The following IPCEF1 variants were observed in gnomAD, a reference collection of about 807,000 sequenced individuals.
The protein encoded by IPCEF1 is interaction protein for cytohesin exchange factors 1, also known as interactor protein for cytohesin exchange factors 1.
Under a neutral mutation model 50.9 loss-of-function variants are expected in IPCEF1, and 31 were observed. That is an observed-to-expected ratio of 0.61 (90% confidence interval 0.46 to 0.82). The LOEUF (loss-of-function observed/expected upper bound fraction) is 0.82, where lower values mean the gene tolerates loss of function less well. Ranked by LOEUF, IPCEF1 falls within the 40% of genes least tolerant of loss-of-function variation. The pLI is 0.00. For synonymous variants in IPCEF1, 181 were observed against 192.0 expected, an observed-to-expected ratio of 0.94 and a Z score of 0.47; for missense variants, 458 against 514.0, an observed-to-expected ratio of 0.89 and a Z score of 1.05.
At chr6:154,308,654 C>G (rs1782998979) in intron 1 of IPCEF1, among the ~76,000 whole-genome samples, 1 of 152,174 alleles carries the variant, frequency 6.6e-6, no homozygotes, top group Admixed American at 6.5e-5. Flanking sequence ...ACTAATAAAA[C>G]TAGCCATTAC....
At chr6:154,235,983 C>T (rs1459432060) in intron 5 of IPCEF1, among the ~76,000 whole-genome samples, 1 of 152,180 alleles carries the variant, frequency 6.6e-6, no homozygotes, top group Non-Finnish European at 1.5e-5. Flanking sequence ...AGCTGCTATG[C>T]AAAATAGCAT....
At chr6:154,209,924 C>G (rs1217113692) in intron 9 of IPCEF1, among the ~76,000 whole-genome samples, 2 of 152,080 alleles carry the variant, frequency 1.3e-5, no homozygotes, top group Admixed American at 1.3e-4. Flanking sequence ...CAACTTAGAA[C>G]TTCTAAAAAA....
At chr6:154,209,938 C>T (rs896937129) in intron 9 of IPCEF1, among the ~76,000 whole-genome samples, 1 of 152,146 alleles carries the variant, frequency 6.6e-6, no homozygotes, top group Non-Finnish European at 1.5e-5. Context: ...TAAAAAATAA[C>T]ATTTGATTGA....
At chr6:154,207,307 C>T (rs143746128) in intron 9 of IPCEF1, among the ~76,000 whole-genome samples, 53 of 152,298 alleles carry the variant, frequency 3.5e-4, no homozygotes, top group African/African-American at 1.3e-3. Flanking sequence ...AGATATTCAA[C>T]CATATGGCTT....
At chr6:154,349,335 G>C (rs975964471) in intron 1 of IPCEF1, among the ~76,000 whole-genome samples, 1 of 151,172 alleles carries the variant, frequency 6.6e-6, no homozygotes, top group African/African-American at 2.4e-5. Context: ...GAGACTACAG[G>C]CATGCTCTAC....
At chr6:154,182,187 G>A (rs1388639746) in intron 10 of IPCEF1, among the ~76,000 whole-genome samples, 1 of 152,178 alleles carries the variant, frequency 6.6e-6, no homozygotes, top group Non-Finnish European at 1.5e-5. Context: ...TCTAAGACAA[G>A]AGTAGCTTCA....
At chr6:154,311,583 C>T (rs1392910523) in intron 1 of IPCEF1, among the ~76,000 whole-genome samples, 1 of 152,100 alleles carries the variant, frequency 6.6e-6, no homozygotes, top group East Asian at 1.9e-4. Context: ...ATTATGTTTC[C>T]TCAAACACTT....
intron 1 of IPCEF1, among the ~76,000 whole-genome samples, chr6:154,295,496 G>T (rs567039025): frequency 1.7e-4 from 26 of 151,424 alleles, no homozygotes; most frequent in African/African-American, 5.8e-4. Flanking sequence ...ACCTCTTTCT[G>T]CTCATTGATG....
In IPCEF1 at chr6:154,265,048, T is replaced by G. The variant is rs141167632; in HGVS notation, c.36+864A>C. Among the ~76,000 whole-genome samples the G allele has an allele frequency of 2.1e-3, 315 of 152,300 alleles. 2 individuals are homozygous for G. The highest frequency in any genetic ancestry group is 3.5e-3 in the Non-Finnish European group (241 of 68,024). ...CCTCAAACTCTGACCTATACATCCA[T>G]CATGAGGTCATTAGATTTGCCAAAA... is the stretch of plus-strand genomic sequence containing the variant. On this transcript the variant is annotated intron_variant, in intron 3 of 11. Coordinates refer to ENST00000367220, the MANE Select transcript of IPCEF1 (RefSeq NM_001130700.2).
chr6:154,302,644 T>G (rs1055773365), intron 1 of IPCEF1, among the ~76,000 whole-genome samples: 1 of 151,984 alleles, frequency 6.6e-6, no homozygotes, highest in Non-Finnish European at 1.5e-5. Context: ...CTGGCTAATG[T>G]TTATATTTTT....
At chr6:154,172,724 G>A (rs1197749431) in intron 10 of IPCEF1, among the ~76,000 whole-genome samples, 3 of 152,210 alleles carry the variant, frequency 2.0e-5, no homozygotes, top group Non-Finnish European at 4.4e-5. Context: ...CCACCTCTGG[G>A]GGCAGGGCAT....
At chr6:154,160,935 G>A (rs1437211514) in intron 11 of IPCEF1, among the ~76,000 whole-genome samples, 3 of 152,178 alleles carry the variant, frequency 2.0e-5, no homozygotes, top group African/African-American at 4.8e-5. Context: ...GAGCAGGGAT[G>A]CATGTAAATG....
At chr6:154,200,104 A>G in intron 9 of IPCEF1, 64 bp from the exon 10 acceptor site, 1 of 1,432,274 alleles carries the variant, frequency 7.0e-7, no homozygotes, top group Non-Finnish European at 9.4e-7. Context: ...ATCATTCTCT[A>G]CCTTTTATTT....
chr6:154,256,537 G>GTCTC (rs10644644), intron 3 of IPCEF1, among the ~76,000 whole-genome samples: 16,704 of 146,048 alleles, frequency 0.11, 981 homozygotes, highest in Non-Finnish European at 0.14. Flanking sequence ...CTCTGTCTCC[G>GTCTC]TCTCTCTCTC....
intron 1 of IPCEF1, among the ~76,000 whole-genome samples, chr6:154,326,713 A>G (rs1027346461): frequency 9.9e-5 from 15 of 152,218 alleles, no homozygotes; most frequent in African/African-American, 3.4e-4. Flanking sequence ...AGAAAAAACT[A>G]TTTTAAAATT....
At chr6:154,276,294 A>AGG (rs1782060898) in intron 2 of IPCEF1, among the ~76,000 whole-genome samples, 1 of 128,192 alleles carries the variant, frequency 7.8e-6, no homozygotes, top group Admixed American at 7.9e-5. Flanking sequence ...AAAAAAAAAG[A>AGG]AAAGAAAAGA....
intron 2 of IPCEF1, among the ~76,000 whole-genome samples, chr6:154,274,489 C>G (rs1046771026): frequency 1.2e-4 from 19 of 152,156 alleles, no homozygotes; most frequent in African/African-American, 4.3e-4. Flanking sequence ...CCCAGTGGAC[C>G]ATTTTACCAT....
intron 9 of IPCEF1, among the ~76,000 whole-genome samples, chr6:154,204,034 C>A (rs1245861622): frequency 6.6e-6 from 1 of 152,144 alleles, no homozygotes; most frequent in African/African-American, 2.4e-5. Flanking sequence ...TATGTGGTTT[C>A]ATTCCTTTCA....
At chr6:154,179,147 AG>A (rs1356268206) in intron 10 of IPCEF1, among the ~76,000 whole-genome samples, 3 of 152,174 alleles carry the variant, frequency 2.0e-5, no homozygotes, top group Non-Finnish European at 4.4e-5. Flanking sequence ...GGTGATAAGT[AG>A]GATCACAGGA....
Sources: allele counts gnomAD v4.1 joint callset (sites outside exome capture counted in the v4.1 genomes callset), GRCh38; gene constraint gnomAD v4.1.1; transcripts MANE v1.5; gene names NCBI Gene and HGNC (gene_info 2026-07-23, HGNC 2026-07-21).